The following CHFR variants were observed in gnomAD, a reference collection of about 807,000 sequenced individuals.
The protein encoded by CHFR is E3 ubiquitin-protein ligase CHFR.
Under a neutral mutation model 87.6 loss-of-function variants are expected in CHFR, and 57 were observed. That is an observed-to-expected ratio of 0.65 (90% CI 0.53 to 0.81). The LOEUF (loss-of-function observed/expected upper bound fraction) is 0.81. CHFR is among the 30% of genes least tolerant of loss of function. The pLI, the probability that CHFR is intolerant of heterozygous loss-of-function variation, is 0.00. For missense variants in CHFR, 797 were observed against 865.8 expected, an observed-to-expected ratio of 0.92 and a Z score of 1.00; for synonymous variants, 381 against 359.2, an observed-to-expected ratio of 1.06 and a Z score of -0.69.
intron 4 of CHFR, among the ~76,000 whole-genome samples, chr12:132,871,361 AG>A (rs1566197783): frequency 1.3e-5 from 2 of 152,040 alleles, no homozygotes; most frequent in Non-Finnish European, 2.9e-5. Context: ...CTGAGGCAGG[AG>A]AATCGCTTGA....
At chr12:132,885,769 G>A (rs775805219) in intron 2 of CHFR, among the ~76,000 whole-genome samples, 15 of 152,166 alleles carry the variant, frequency 9.9e-5, no homozygotes, top group South Asian at 2.1e-4. Flanking sequence ...GTACATAGGC[G>A]CAGAAAGATG....
At position 132,837,098 on chromosome 12, in the gene CHFR, T is replaced by C. The variant is rs750001086; in HGVS notation, c.*4456A>G. On this transcript the variant is annotated 3_prime_UTR_variant, in exon 18 of 18. Transcript: ENST00000450056. Reference sequence around the variant, plus strand: ...GGGGCTGTTTGTGAGAATTAGCTGGTTCGGTGGAGAAGCAGAGGAACACCT... The same window carrying C: ...GGGGCTGTTTGTGAGAATTAGCTGGCTCGGTGGAGAAGCAGAGGAACACCT... 9.6e-6 allele frequency: 3 copies of C among 313,394 alleles called. No homozygotes were observed. The highest frequency in any genetic ancestry group is 1.9e-5 in the Non-Finnish European group (3 of 160,950). The allele number at this position is 313,394 out of a possible 1,614,324, so 19.4% of individuals were successfully genotyped here. A position where few individuals can be genotyped will look rare whatever the true frequency, so the allele number is the denominator to read the frequency against.
In CHFR at chr12:132,836,657, A is replaced by G; in HGVS notation, c.*4897T>C. 2.2e-6 allele frequency: 1 copy of G among 456,154 alleles called. No individual in the cohort carries two copies. The highest frequency in any genetic ancestry group is 4.4e-6 in the Non-Finnish European group (1 of 226,820). 28.3% of individuals were successfully genotyped at this position (456,154 alleles called of 1,614,324 possible). ...ATTCCTTCCACAGACATGCACGACC[A>G]AGTGTCTGCTCTGTGTGAGGAACTT... is the stretch of plus-strand genomic sequence containing the variant. On this transcript the variant is annotated 3_prime_UTR_variant, in exon 18 of 18. Transcript: ENST00000450056.
At position 132,859,012 on chromosome 12, in the gene CHFR, G is replaced by A. The variant is rs151079292; in HGVS notation, c.911+56C>T. The A allele has an allele frequency of 8.6e-4, 1,337 of 1,547,260 alleles. 6 individuals are homozygous for A. The African/African-American group carries it at 0.015, about 18-fold the overall frequency. ...TCTCATGCCCAGCCCTGCCCCACACGGGACGAAGAACCTGCAGTGCCATGT... is the reference window on the plus strand; with the variant it reads ...TCTCATGCCCAGCCCTGCCCCACACAGGACGAAGAACCTGCAGTGCCATGT... On this transcript the variant is annotated intron_variant, in intron 8 of 17. Transcript: ENST00000450056.
intron 12 of CHFR, chr12:132,849,020 C>T: frequency 3.0e-6 from 1 of 329,878 alleles, no homozygotes; most frequent in Non-Finnish European, 5.6e-6. Context: ...AATCACAGCT[C>T]ACTGCAACCT....
intron 4 of CHFR, among the ~76,000 whole-genome samples, chr12:132,871,126 C>A (rs1435559031): frequency 6.6e-6 from 1 of 152,224 alleles, no homozygotes; most frequent in Non-Finnish European, 1.5e-5. Context: ...GACATATTTG[C>A]CCCATTCTCC....
rs146514119 is a variant in CHFR, at chr12:132,880,107, C to T, written c.134-2453G>A. ...GAAAAAACGTGTAGAAAAACCAAAG[C>T]AATTTTGAAAAAGAATGAAGCTGGA... On this transcript the variant is annotated intron_variant, in intron 2 of 17. Transcript: ENST00000450056. 2.0e-4 allele frequency among the ~76,000 whole-genome samples: 31 copies of T among 152,246 alleles called. 2 individuals carry two copies. Among genetic ancestry groups the T allele is most frequent in the East Asian group, 1.7e-3 (9 of 5,188 alleles).
intron 2 of CHFR, among the ~76,000 whole-genome samples, chr12:132,878,987 GTT>G (rs971216710): frequency 8.0e-5 from 11 of 137,672 alleles, no homozygotes; most frequent in Admixed American, 1.5e-4. Flanking sequence ...ATAGGCATTT[GTT>G]TTTTTTTTTG....
chr12:132,853,628 G>T, intron 10 of CHFR, 55 bp from the exon 11 acceptor site: 2 of 1,478,380 alleles, frequency 1.4e-6, no homozygotes, highest in South Asian at 2.7e-5. Flanking sequence ...CTCAGGTAGG[G>T]CCGGTGCAAC....
chr12:132,850,964 CATATATATATATATAT>C (rs55826641), intron 12 of CHFR, among the ~76,000 whole-genome samples: 34 of 135,630 alleles, frequency 2.5e-4, no homozygotes, highest in South Asian at 9.6e-4. Flanking sequence ...TATGTGTGTG[CATATATATATATATAT>C]ATATATATAT....
chr12:132,870,597 C>G, intron 5 of CHFR, 127 bp downstream of exon 5: 1 of 551,896 alleles, frequency 1.8e-6, no homozygotes, highest in Non-Finnish European at 3.2e-6. Context: ...GAGGCGGAGG[C>G]TGCAGTGAGC....
rs183823752 is a variant in CHFR, at chr12:132,848,932, C to T, written c.1493-208G>A. On this transcript the variant is annotated intron_variant, in intron 12 of 17. Transcript: ENST00000450056. ...GAGGAGTTGTATCCCTGAAAAAAGG[C>T]GAGGCTCACATTTTCTGGTTTGTTA... 1.7e-5 allele frequency: 9 copies of T among 519,136 alleles called. No individual in the cohort carries two copies. In the African/African-American group the frequency reaches 1.7e-4, roughly 10 times the overall value. The allele number at this position is 519,136 out of a possible 1,614,324, so 32.2% of individuals were successfully genotyped here.
At chr12:132,867,566 T>C (rs781220656) in intron 6 of CHFR, 1 of 152,032 alleles carries the variant, frequency 6.6e-6, no homozygotes, top group Non-Finnish European at 1.5e-5. Flanking sequence ...CAGCGTGGAG[T>C]GCACAGAAGG....
chr12:132,880,878 T>C (rs1013165670), intron 2 of CHFR, among the ~76,000 whole-genome samples: 4 of 151,626 alleles, frequency 2.6e-5, no homozygotes, highest in African/African-American at 9.7e-5. Context: ...GGCAGGAGAA[T>C]GGTGGGAACC....
intron 8 of CHFR, among the ~76,000 whole-genome samples, chr12:132,858,525 G>A (rs1378913814): frequency 6.6e-6 from 1 of 151,876 alleles, no homozygotes; most frequent in African/African-American, 2.4e-5. Flanking sequence ...AGGAGTTCAA[G>A]ACTAGCCTGG....
At chr12:132,843,692 C>T (rs557523087) in intron 16 of CHFR, among the ~76,000 whole-genome samples, 19 of 151,880 alleles carry the variant, frequency 1.3e-4, no homozygotes, top group African/African-American at 2.9e-4. Flanking sequence ...GCTGGCCGAG[C>T]GTGGTGGCTC....
At chr12:132,857,655 C>T in intron 8 of CHFR, 96 bp from the exon 9 acceptor site, 2 of 1,209,922 alleles carry the variant, frequency 1.7e-6, no homozygotes, top group Non-Finnish European at 2.3e-6. Flanking sequence ...GAAGGGCCTA[C>T]AGGGGCCCAG....
At chr12:132,861,826 C>T (rs1252310477) in intron 6 of CHFR, 192 bp from the exon 7 acceptor site, 7 of 567,328 alleles carry the variant, frequency 1.2e-5, no homozygotes, top group South Asian at 2.3e-5. Context: ...CCTATCTCTA[C>T]GTGGGGTGGA....
At chr12:132,883,632 CA>C (rs1046621650) in intron 2 of CHFR, among the ~76,000 whole-genome samples, 14 of 151,028 alleles carry the variant, frequency 9.3e-5, no homozygotes, top group African/African-American at 3.4e-4. Flanking sequence ...GAGGTTGAGG[CA>C]GGAGAATGGT....
Sources: allele counts gnomAD v4.1 joint callset (sites outside exome capture counted in the v4.1 genomes callset), GRCh38; gene constraint gnomAD v4.1.1; transcripts MANE v1.5; gene names NCBI Gene and HGNC (gene_info 2026-07-23, HGNC 2026-07-21).